The following SFXN5 variants were observed in gnomAD, a reference collection of about 807,000 sequenced individuals.
SFXN5 encodes the protein sideroflexin 5, also known as sideroflexin-5.
A neutral mutation model predicts 50.2 loss-of-function variants in SFXN5; 43 were observed. The observed-to-expected ratio is 0.86, with a 90% CI of 0.67 to 1.11. The LOEUF (loss-of-function observed/expected upper bound fraction) is 1.11. SFXN5 is among the 50% of genes least tolerant of loss of function. SFXN5 has a pLI of 0.00. For missense variants in SFXN5, 463 were observed against 454.1 expected (o/e 1.02, Z -0.18); for synonymous variants, 203 against 185.8 (o/e 1.09, Z -0.75).
At chr2:73,044,918 G>A (rs1156365604) in intron 2 of SFXN5, among the ~76,000 whole-genome samples, 2 of 152,192 alleles carry the variant, frequency 1.3e-5, no homozygotes, top group Non-Finnish European at 2.9e-5. Context: ...CTGCCTCAAG[G>A]CCCCACCTGA....
In SFXN5 at chr2:72,967,003, T is replaced by C. The variant is rs527639200; in HGVS notation, c.827+1445A>G. 6.6e-5 allele frequency among the ~76,000 whole-genome samples: 10 copies of C among 152,310 alleles called. No homozygotes were observed. The Middle Eastern group carries it at 0.01, about 155-fold the overall frequency. The stretch of plus-strand genomic sequence containing the variant: ...CTGATTGAGGGTTATGACCTGAATA[T>C]GCAAGAGGCAGCCAGTGTAGCTTGA... On this transcript the variant is annotated intron_variant, in intron 12 of 13. Coordinates refer to ENST00000272433, the MANE Select transcript of SFXN5 (RefSeq NM_144579.3).
At chr2:72,980,242 A>G (rs939774538) in intron 10 of SFXN5, among the ~76,000 whole-genome samples, 2 of 151,952 alleles carry the variant, frequency 1.3e-5, no homozygotes, top group Non-Finnish European at 2.9e-5. Flanking sequence ...CTCCTTCCCA[A>G]CCCTAAACTT....
chr2:72,971,932 C>T (rs1340202899), intron 10 of SFXN5, among the ~76,000 whole-genome samples: 1 of 152,152 alleles, frequency 6.6e-6, no homozygotes, highest in Non-Finnish European at 1.5e-5. Context: ...CCGTTCTGGC[C>T]TCAGAGAGCG....
At chr2:73,022,618 G>A (rs1273145556) in intron 4 of SFXN5, 42 bp from the exon 5 acceptor site, 3 of 525,182 alleles carry the variant, frequency 5.7e-6, no homozygotes, top group Admixed American at 2.4e-5. Flanking sequence ...GGACGGGGGT[G>A]TAGGGAGGGG....
chr2:73,068,745 CAG>C (rs796507820), intron 1 of SFXN5, among the ~76,000 whole-genome samples: 13 of 152,074 alleles, frequency 8.5e-5, no homozygotes, highest in African/African-American at 3.1e-4. Context: ...CCATAGTCAA[CAG>C]AGAGACACAG....
chr2:73,014,602 T>A (rs1298083297), intron 6 of SFXN5, among the ~76,000 whole-genome samples: 1 of 152,194 alleles, frequency 6.6e-6, no homozygotes, highest in Non-Finnish European at 1.5e-5. Context: ...ATGACTGAAA[T>A]TACATTGAAT....
chr2:73,003,932 G>A (rs559755587), intron 6 of SFXN5, among the ~76,000 whole-genome samples: 2 of 152,316 alleles, frequency 1.3e-5, no homozygotes, highest in South Asian at 4.2e-4. Context: ...TGACTGCTAT[G>A]AGTCTCCTCA....
intron 2 of SFXN5, chr2:73,041,668 A>G: frequency 2.5e-6 from 1 of 405,306 alleles, no homozygotes; most frequent in Non-Finnish European, 5.0e-6. Flanking sequence ...CCATCTAAAA[A>G]AGAAAAAAAT....
intron 10 of SFXN5, among the ~76,000 whole-genome samples, chr2:72,972,302 A>G (rs1041592870): frequency 3.9e-5 from 6 of 152,250 alleles, no homozygotes; most frequent in African/African-American, 1.4e-4. Flanking sequence ...AGAGTGGGAC[A>G]GAGCAGAAAG....
At chr2:73,015,390 T>C (rs891957519) in intron 6 of SFXN5, among the ~76,000 whole-genome samples, 2 of 152,240 alleles carry the variant, frequency 1.3e-5, no homozygotes, top group Non-Finnish European at 2.9e-5. Flanking sequence ...ATAAGTGATA[T>C]TGGCTTATAC....
At chr2:73,064,649 T>C (rs1683048522) in intron 1 of SFXN5, among the ~76,000 whole-genome samples, 1 of 152,180 alleles carries the variant, frequency 6.6e-6, no homozygotes, top group African/African-American at 2.4e-5. Flanking sequence ...AGAAAGCATT[T>C]GTCTGCCCAG....
At chr2:72,962,192 G>C (rs571468006) in intron 12 of SFXN5, among the ~76,000 whole-genome samples, 1 of 152,356 alleles carries the variant, frequency 6.6e-6, no homozygotes, top group East Asian at 1.9e-4. Flanking sequence ...GGGGGTGTTG[G>C]GCAGGCACTA....
Position 73,071,624 on chromosome 2 carries a change from C to T in SFXN5, c.82G>A (p.Gly28Ser), listed in dbSNP as rs1683634311. The T allele has an allele frequency of 1.9e-6, 3 of 1,613,826 alleles. No homozygotes were observed. Among genetic ancestry groups the T allele is most frequent in the Non-Finnish European group, 2.5e-6 (3 of 1,179,914 alleles). Residue 28 changes from glycine (G) to serine (S), a missense_variant, in exon 1 of 14, where the codon GGC (glycine) becomes AGC (serine). Coordinates refer to ENST00000272433, the MANE Select transcript of SFXN5 (RefSeq NM_144579.3). ...ASSDAPPFQL[G>S]KPRFQQTSFY... ...CTCACCTGCTGGAAGCGGGGTTTGC[C>T]CAGTTGGAAAGGAGGTGCATCGCTC...
chr2:72,956,735 C>T (rs1673132184), intron 13 of SFXN5, among the ~76,000 whole-genome samples: 1 of 152,150 alleles, frequency 6.6e-6, no homozygotes. Context: ...ACTCACTGGA[C>T]CCAGGGACTC....
intron 6 of SFXN5, among the ~76,000 whole-genome samples, chr2:73,015,037 G>C (rs1325925280): frequency 2.0e-5 from 3 of 152,132 alleles, no homozygotes; most frequent in Non-Finnish European, 4.4e-5. Flanking sequence ...AACACATTAA[G>C]AATTTACCTT....
At position 73,021,180 on chromosome 2, in the gene SFXN5, A is replaced by G. The variant is rs78420391; in HGVS notation, c.332-916T>C. Among the ~76,000 whole-genome samples, 26 of 152,298 alleles carry G rather than the reference A, an allele frequency of 1.7e-4. No homozygotes were observed. In the East Asian group the frequency reaches 4.8e-3, roughly 28 times the overall value. The stretch of plus-strand genomic sequence containing the variant: ...GGTGAGAGCCTGCTGTGCCGGGTGC[A>G]GGGACTGGGAAGCATCTACAACCAC... On this transcript the variant is annotated intron_variant, in intron 5 of 13. Transcript: ENST00000272433.
At chr2:73,054,164 A>G (rs548709062) in intron 2 of SFXN5, among the ~76,000 whole-genome samples, 1 of 152,328 alleles carries the variant, frequency 6.6e-6, no homozygotes, top group Non-Finnish European at 1.5e-5. Context: ...TGTTGGCAGA[A>G]GCTTTCAAAA....
At chr2:72,981,779 C>T (rs1442872353) in intron 10 of SFXN5, among the ~76,000 whole-genome samples, 5 of 152,198 alleles carry the variant, frequency 3.3e-5, no homozygotes, top group East Asian at 3.8e-4. Flanking sequence ...CACAGCACCA[C>T]GCCCACATAT....
intron 8 of SFXN5, among the ~76,000 whole-genome samples, chr2:72,999,813 G>A (rs1673685184): frequency 6.6e-6 from 1 of 152,114 alleles, no homozygotes; most frequent in Non-Finnish European, 1.5e-5. Flanking sequence ...GATGCATCCT[G>A]CCTTCTTTGC....
Sources: gnomAD v4.1 joint callset for allele counts (sites outside exome capture counted in the v4.1 genomes callset) on GRCh38, gnomAD v4.1.1 for gene constraint, MANE v1.5 for transcripts, NCBI Gene and HGNC (gene_info 2026-07-23, HGNC 2026-07-21) for gene names.